The following RBFOX3 variants were observed in gnomAD, a reference collection of about 807,000 sequenced individuals.
The protein encoded by RBFOX3 is RNA binding fox-1 homolog 3.
Under a neutral mutation model 48.7 loss-of-function variants are expected in RBFOX3, and 17 were observed. The observed-to-expected ratio is 0.35, with a 90% CI of 0.24 to 0.52. RBFOX3 has a LOEUF of 0.52. Ranked by LOEUF, RBFOX3 falls within the 20% of genes least tolerant of loss-of-function variation. The pLI, the probability that RBFOX3 is intolerant of heterozygous loss-of-function variation, is 0.94. For synonymous variants in RBFOX3, 212 were observed against 209.5 expected, an observed-to-expected ratio of 1.01 and a Z score of -0.10; for missense variants, 382 against 497.5, an observed-to-expected ratio of 0.77 and a Z score of 2.21.
At chr17:79,506,297 C>G (rs1378561177) in intron 1 of RBFOX3, among the ~76,000 whole-genome samples, 1 of 152,162 alleles carries the variant, frequency 6.6e-6, no homozygotes, top group African/African-American at 2.4e-5. Context: ...CAGTTTCCTG[C>G]CTGGCTTGGC....
At chr17:79,261,932 T>C (rs949069410) in intron 3 of RBFOX3, among the ~76,000 whole-genome samples, 1 of 152,062 alleles carries the variant, frequency 6.6e-6, no homozygotes, top group Non-Finnish European at 1.5e-5. Flanking sequence ...CTGGGGCTTG[T>C]GGAGGGGGGA....
chr17:79,334,101 A>C (rs141360610), intron 2 of RBFOX3, among the ~76,000 whole-genome samples: 2 of 152,080 alleles, frequency 1.3e-5, no homozygotes, highest in African/African-American at 4.8e-5. Context: ...TGATCCTTGA[A>C]ACTGCCTTTT....
rs571480057 is a variant in RBFOX3 at position 79,178,165 on chromosome 17, C to T, written c.-34+57601G>A. Among the ~76,000 whole-genome samples the T allele has an allele frequency of 1.4e-4, 21 of 152,340 alleles. 1 individual carries two copies. Among genetic ancestry groups the T allele is most frequent in the African/African-American group, 4.8e-4 (20 of 41,582 alleles). On this transcript the variant is annotated intron_variant, in intron 4 of 14. Coordinates refer to ENST00000693108, the MANE Select transcript of RBFOX3 (RefSeq NM_001350451.2). ...CCACCAGCCATGCTTATCCTGTGTC[C>T]AGCCAGCCAGAGCTCCCTGCTCAGA...
chr17:79,216,151 T>C (rs1168725843), intron 4 of RBFOX3, among the ~76,000 whole-genome samples: 1 of 152,230 alleles, frequency 6.6e-6, no homozygotes, highest in African/African-American at 2.4e-5. Context: ...GTTGGTGACC[T>C]GGATATGTCA....
chr17:79,283,178 C>T (rs2070995402), intron 3 of RBFOX3, among the ~76,000 whole-genome samples: 1 of 151,982 alleles, frequency 6.6e-6, no homozygotes, highest in South Asian at 2.1e-4. Flanking sequence ...GTTTTGCTTC[C>T]TTCGTGGTTT....
intron 4 of RBFOX3, among the ~76,000 whole-genome samples, chr17:79,222,365 C>T (rs1265993460): frequency 6.6e-6 from 1 of 152,220 alleles, no homozygotes; most frequent in Non-Finnish European, 1.5e-5. Context: ...GTCTTGCAGC[C>T]TCTGTGGGCT....
At position 79,291,043 on chromosome 17, in the gene RBFOX3, G is replaced by A. The variant is rs562344850; in HGVS notation, c.-74+16681C>T. Among the ~76,000 whole-genome samples the A allele has an allele frequency of 2.6e-5, 4 of 152,338 alleles. No individual in the cohort carries two copies. The South Asian group carries it at 6.2e-4, about 24-fold the overall frequency. Reference sequence around the variant, plus strand: ...CCACCCCTCTCCTGGGACTTTGGGAGAGGAAAGGCAAATGAAAGGTGTGGT... The same window carrying A: ...CCACCCCTCTCCTGGGACTTTGGGAAAGGAAAGGCAAATGAAAGGTGTGGT... On this transcript the variant is annotated intron_variant, in intron 3 of 14. Coordinates refer to ENST00000693108, the MANE Select transcript of RBFOX3 (RefSeq NM_001350451.2).
At chr17:79,123,848 T>C (rs1033649038) in intron 4 of RBFOX3, among the ~76,000 whole-genome samples, 1 of 152,184 alleles carries the variant, frequency 6.6e-6, no homozygotes, top group Admixed American at 6.5e-5. Flanking sequence ...CCGGCTGTGC[T>C]GCAGGCCTGC....
In RBFOX3 at chr17:79,509,035, C is replaced by T. The variant is rs908294475; in HGVS notation, c.-319-26437G>A. Among the ~76,000 whole-genome samples, 59 of 152,238 alleles carry T rather than the reference C, an allele frequency of 3.9e-4. No individual in the cohort carries two copies. In the East Asian group the frequency reaches 9.5e-3, roughly 25 times the overall value. On this transcript the variant is annotated intron_variant, in intron 1 of 14. Coordinates refer to ENST00000693108, the MANE Select transcript of RBFOX3 (RefSeq NM_001350451.2). The stretch of plus-strand genomic sequence containing the variant: ...CACGTCCGGGCCCCCCGAAGGCTGA[C>T]GAAGTCAGAGCCCAGGGCAGGCAGA...
rs556304179 is a variant in RBFOX3, at chr17:79,529,648, G to A, written c.-319-47050C>T. ...TCAAGGGGTAGAGGACACAGTCTGT[G>A]GCAGAGGGAGAACTGGTACCACTAG... On this transcript the variant is annotated intron_variant, in intron 1 of 14. Transcript: ENST00000693108. Among the ~76,000 whole-genome samples, 5 of 152,324 alleles carry A rather than the reference G, an allele frequency of 3.3e-5. No individual in the cohort carries two copies. In the East Asian group the frequency reaches 9.7e-4, roughly 29 times the overall value.
At position 79,103,988 on chromosome 17, in the gene RBFOX3, CCAG is replaced by C; in HGVS notation, c.414+82_414+84del. On this transcript the variant is annotated intron_variant, in intron 7 of 14. Transcript: ENST00000693108. The surrounding 1 kb of genome is among the most constrained non-coding windows in gnomAD (Gnocchi z 6.1). ...CAGGGGTCCTCGGGCGCGAAGCTCTCCAGGAAGGAAACGCACATTTCACACGTT... is the reference window on the plus strand; with the variant it reads ...CAGGGGTCCTCGGGCGCGAAGCTCTCGAAGGAAACGCACATTTCACACGTT... The C allele has an allele frequency of 8.0e-7, 1 of 1,255,790 alleles. No homozygotes were observed. The highest frequency in any genetic ancestry group is 1.1e-6 in the Non-Finnish European group (1 of 880,148). 77.8% of individuals were successfully genotyped at this position (1,255,790 alleles called of 1,614,324 possible). A position where few individuals can be genotyped will look rare whatever the true frequency, so the allele number is the denominator to read the frequency against.
intron 1 of RBFOX3, among the ~76,000 whole-genome samples, chr17:79,508,514 C>T (rs1028794279): frequency 6.6e-6 from 1 of 152,230 alleles, no homozygotes; most frequent in Admixed American, 6.5e-5. Flanking sequence ...CTGCTCCCCG[C>T]ACCCCCACAG....
intron 2 of RBFOX3, among the ~76,000 whole-genome samples, chr17:79,467,154 C>T: frequency 6.6e-6 from 1 of 152,052 alleles, no homozygotes; most frequent in East Asian, 2.0e-4. Flanking sequence ...TCCGGGAGGC[C>T]CTCCTCACAC....
At chr17:79,437,153 C>A (rs1555731616) in intron 2 of RBFOX3, among the ~76,000 whole-genome samples, 1 of 152,172 alleles carries the variant, frequency 6.6e-6, no homozygotes, top group East Asian at 1.9e-4. Context: ...ATTCCCCATG[C>A]TGACCTCATC....
In RBFOX3 at chr17:79,390,766, G is replaced by A. The variant is rs2061288903; in HGVS notation, c.-174-82942C>T. Among the ~76,000 whole-genome samples, 1 of 152,218 alleles carries A rather than the reference G, an allele frequency of 6.6e-6. No homozygotes were observed. The highest frequency in any genetic ancestry group is 1.5e-5 in the Non-Finnish European group (1 of 68,038). On this transcript the variant is annotated intron_variant, in intron 2 of 14. Coordinates refer to ENST00000693108, the MANE Select transcript of RBFOX3 (RefSeq NM_001350451.2). The surrounding 1 kb of genome is among the most constrained non-coding windows in gnomAD (Gnocchi z 4.2). Reference sequence around the variant, plus strand: ...CATGGCCCATTCAAAGTTTGCCAGAGGCGAGTTCAGGGTGGGGATCCTGGC... The same window carrying A: ...CATGGCCCATTCAAAGTTTGCCAGAAGCGAGTTCAGGGTGGGGATCCTGGC...
Position 79,095,695 on chromosome 17 carries a change from T to C in RBFOX3, c.937-121A>G. The C allele has an allele frequency of 5.3e-6, 4 of 757,234 alleles. No homozygotes were observed. The East Asian group carries it at 1.1e-4, about 21-fold the overall frequency. 46.9% of individuals were successfully genotyped at this position (757,234 alleles called of 1,614,324 possible). A position where few individuals can be genotyped will look rare whatever the true frequency, so the allele number is the denominator to read the frequency against. On this transcript the variant is annotated intron_variant, in intron 12 of 14. Transcript: ENST00000693108. ...GGGCCCTGGGAGGGACTACAGACCT[T>C]CCCAGCCTCCCAGCCTCGGCTGGGT...
Position 79,383,949 on chromosome 17 carries a change from G to A in RBFOX3, c.-174-76125C>T, listed in dbSNP as rs1274273973. ...GAATGTCAGAGGGGGGGGCAATCAG[G>A]GTATGTGGGGGAAGGCAAGATTCAG... On this transcript the variant is annotated intron_variant, in intron 2 of 14. Coordinates refer to ENST00000693108, the MANE Select transcript of RBFOX3 (RefSeq NM_001350451.2). Among the ~76,000 whole-genome samples the A allele has an allele frequency of 2.6e-5, 4 of 152,174 alleles. No individual in the cohort carries two copies. In the South Asian group the frequency reaches 8.3e-4, roughly 32 times the overall value.
At position 79,535,836 on chromosome 17, in the gene RBFOX3, C is replaced by T. The variant is rs575862852; in HGVS notation, c.-319-53238G>A. ...GGGAAGAGTCCACACGGAGAGGGGC[C>T]GTGGGTTGATCTCTGCTCCCCCTCA... On this transcript the variant is annotated intron_variant, in intron 1 of 14. Transcript: ENST00000693108. The surrounding 1 kb of genome is among the most constrained non-coding windows in gnomAD (Gnocchi z 4.5). 6.6e-5 allele frequency among the ~76,000 whole-genome samples: 10 copies of T among 152,228 alleles called. No homozygotes were observed. The highest frequency in any genetic ancestry group is 3.9e-4 in the East Asian group (2 of 5,170).
intron 1 of RBFOX3, among the ~76,000 whole-genome samples, chr17:79,530,985 G>A (rs1407258983): frequency 2.0e-5 from 3 of 152,238 alleles, no homozygotes; most frequent in African/African-American, 7.2e-5. Context: ...TGGACGTGGT[G>A]GAGTCATATT....
Sources: gnomAD v4.1 joint callset for allele counts (sites outside exome capture counted in the v4.1 genomes callset) on GRCh38, gnomAD v4.1.1 for gene constraint, Gnocchi (gnomAD v3.1) non-coding constraint, MANE v1.5 for transcripts, NCBI Gene and HGNC (gene_info 2026-07-23, HGNC 2026-07-21) for gene names.